Variants in THOC7 observed in about 807,000 individuals in gnomAD.
The protein encoded by THOC7 is THO complex subunit 7, also known as NIF3L1-binding protein 1.
In THOC7, 22 loss-of-function variants were observed where a neutral mutation model predicts 33.1. The observed-to-expected ratio is 0.66, with a 90% confidence interval of 0.47 to 0.95. The LOEUF is 0.95. Among genes scored for constraint, THOC7 ranks in the 40% least tolerant of loss-of-function variants. The pLI is 0.00. For missense variants in THOC7, 184 were observed against 245.3 expected (o/e 0.75, Z 1.67); for synonymous variants, 77 against 76.8 (o/e 1.00, Z -0.01).
At chr3:63,838,171 G>T in intron 3 of THOC7, 109 bp from the exon 4 acceptor site, 2 of 1,094,238 alleles carry the variant, frequency 1.8e-6, no homozygotes, top group Non-Finnish European at 2.6e-6. Context: ...ATAGACACTA[G>T]TATTTTTAAA....
Position 63,845,102 on chromosome 3 carries a change from C to T in THOC7, c.20-5329G>A, listed in dbSNP as rs370010941. On this transcript the variant is annotated intron_variant, in intron 1 of 7. Coordinates refer to ENST00000295899, the MANE Select transcript of THOC7 (RefSeq NM_025075.4). ...GAAAAGGTGATGCTAACCTTCTTTT[C>T]TGGGGGTGGGGGGTACTATCTCCTT... is the stretch of plus-strand genomic sequence containing the variant. The T allele has an allele frequency of 4.3e-4, 296 of 691,508 alleles. No homozygotes were observed. In the African/African-American group the frequency reaches 4.4e-3, roughly 10 times the overall value. The allele number at this position is 691,508 out of a possible 1,614,324, so 42.8% of individuals were successfully genotyped here.
intron 1 of THOC7, among the ~76,000 whole-genome samples, chr3:63,841,942 C>T (rs749558842): frequency 5.9e-5 from 9 of 151,966 alleles, no homozygotes; most frequent in Non-Finnish European, 1.2e-4. Context: ...ATTTTTTTTG[C>T]TACATGCCTG....
At chr3:63,848,042 T>G (rs902931414) in intron 1 of THOC7, among the ~76,000 whole-genome samples, 1 of 152,174 alleles carries the variant, frequency 6.6e-6, no homozygotes, top group Non-Finnish European at 1.5e-5. Flanking sequence ...ACAGACTCTT[T>G]GTACCAATAA....
At chr3:63,854,799 G>A (rs1190961104) in intron 1 of THOC7, 1 of 152,094 alleles carries the variant, frequency 6.6e-6, no homozygotes, top group South Asian at 2.1e-4. Context: ...ACGAGGTCAG[G>A]AGATCGAGAC....
intron 1 of THOC7, among the ~76,000 whole-genome samples, chr3:63,857,850 G>C (rs914391296): frequency 6.6e-6 from 1 of 152,162 alleles, no homozygotes; most frequent in East Asian, 1.9e-4. Context: ...TAAATGTTTA[G>C]AGTAGTATAG....
chr3:63,838,984 A>C (rs573618829), intron 2 of THOC7, among the ~76,000 whole-genome samples: 1 of 152,208 alleles, frequency 6.6e-6, no homozygotes, highest in African/African-American at 2.4e-5. Flanking sequence ...TAATGCTAGA[A>C]GTTTGACACC....
chr3:63,837,762 T>C (rs1424931365), intron 4 of THOC7, among the ~76,000 whole-genome samples: 13 of 152,044 alleles, frequency 8.6e-5, no homozygotes, highest in Admixed American at 8.5e-4. Context: ...AAAGAAATAC[T>C]TGGATAATCA....
At chr3:63,862,454 T>A (rs1413364419) in intron 1 of THOC7, among the ~76,000 whole-genome samples, 1 of 152,206 alleles carries the variant, frequency 6.6e-6, no homozygotes, top group East Asian at 1.9e-4. Context: ...CAGACCAAAA[T>A]TTTGGAGAGG....
intron 1 of THOC7, 64 bp from the exon 2 acceptor site, chr3:63,839,837 T>TG: frequency 4.6e-6 from 6 of 1,305,532 alleles, no homozygotes; most frequent in Non-Finnish European, 6.6e-6. Flanking sequence ...AAATAACCAG[T>TG]ATCACTGTTC....
At chr3:63,863,710 G>A (rs1702301575) in intron 1 of THOC7, 62 bp downstream of exon 1, 27 of 1,247,376 alleles carry the variant, frequency 2.2e-5, no homozygotes, top group Middle Eastern at 3.1e-4. Flanking sequence ...GGAGGCCAGG[G>A]GTCTCAGGGG....
intron 1 of THOC7, among the ~76,000 whole-genome samples, chr3:63,848,924 GAT>G (rs1465666627): frequency 6.6e-6 from 1 of 152,104 alleles, no homozygotes; most frequent in Admixed American, 6.5e-5. Context: ...TCTACCTGAT[GAT>G]ATCTCCAGAA....
chr3:63,864,457 C>A (rs868027780), upstream of THOC7: 2 of 151,960 alleles, frequency 1.3e-5, no homozygotes, highest in African/African-American at 2.4e-5. Flanking sequence ...CCGGCACTTG[C>A]GCGGGGCGCG....
intron 1 of THOC7, among the ~76,000 whole-genome samples, chr3:63,862,495 T>A (rs1201186278): frequency 6.6e-6 from 1 of 152,230 alleles, no homozygotes; most frequent in Admixed American, 6.5e-5. Flanking sequence ...TTCTGGGTTG[T>A]AATCCCAAAG....
upstream of THOC7, chr3:63,863,852 G>A: frequency 2.5e-6 from 3 of 1,217,162 alleles, no homozygotes; most frequent in East Asian, 3.5e-5. Context: ...TGGCGGCGGC[G>A]GAGGTCAAAC....
intron 1 of THOC7, among the ~76,000 whole-genome samples, chr3:63,862,680 G>C (rs1224622535): frequency 1.3e-5 from 2 of 152,130 alleles, no homozygotes; most frequent in East Asian, 1.9e-4. Flanking sequence ...TTAATGTGGA[G>C]ACCCTGGTGG....
chr3:63,840,606 A>C (rs1204200708), intron 1 of THOC7, among the ~76,000 whole-genome samples: 2 of 152,218 alleles, frequency 1.3e-5, no homozygotes, highest in Non-Finnish European at 2.9e-5. Context: ...AAAGAAAAAA[A>C]TAAAAAATAA....
rs1575813449 is a variant in THOC7 at position 63,852,860 on chromosome 3, A to T, written c.19+10912T>A. ...GAACTAAAAAGGAGAGATTAGAATC[A>T]CAGGTCCTGGCTGGGCACGATGGCT... On this transcript the variant is annotated intron_variant, in intron 1 of 7. Coordinates refer to ENST00000295899, the MANE Select transcript of THOC7 (RefSeq NM_025075.4). Among the ~76,000 whole-genome samples, 4 of 152,306 alleles carry T rather than the reference A, an allele frequency of 2.6e-5. No individual in the cohort carries two copies. The South Asian group carries it at 8.3e-4, about 32-fold the overall frequency.
At chr3:63,845,175 CTT>C in intron 1 of THOC7, 1 of 524,212 alleles carries the variant, frequency 1.9e-6, no homozygotes, top group Non-Finnish European at 3.4e-6. Flanking sequence ...GCTCTGCTCT[CTT>C]TAAGTATTTA....
chr3:63,856,160 T>C (rs537633233), intron 1 of THOC7, among the ~76,000 whole-genome samples: 1 of 152,196 alleles, frequency 6.6e-6, no homozygotes, highest in African/African-American at 2.4e-5. Flanking sequence ...GGTAGATTTA[T>C]ATTCAAAAGA....
Sources: gnomAD v4.1 joint callset for allele counts (sites outside exome capture counted in the v4.1 genomes callset) on GRCh38, gnomAD v4.1.1 for gene constraint, MANE v1.5 for transcripts, NCBI Gene and HGNC (gene_info 2026-07-23, HGNC 2026-07-21) for gene names.